The following AGAP6 variants were observed in gnomAD, a reference collection of about 807,000 sequenced individuals.
AGAP6 encodes arf-GAP with GTPase, ANK repeat and PH domain-containing protein 6.
In AGAP6, 29 loss-of-function variants were observed where a neutral mutation model predicts 63.9. That is an observed-to-expected ratio of 0.45 (90% CI 0.34 to 0.62). The LOEUF (loss-of-function observed/expected upper bound fraction) is 0.62. Among genes scored for constraint, AGAP6 ranks in the 20% least tolerant of loss-of-function variants. AGAP6 has a pLI of 0.01. For missense variants in AGAP6, 493 were observed against 884.9 expected, an observed-to-expected ratio of 0.56 and a Z score of 5.62; for synonymous variants, 199 against 332.9, an observed-to-expected ratio of 0.60 and a Z score of 4.38.
At chr10:49,992,443 G>A (rs2132121345) in intron 3 of AGAP6, among the ~76,000 whole-genome samples, 1 of 152,304 alleles carries the variant, frequency 6.6e-6, no homozygotes, top group South Asian at 2.1e-4. Flanking sequence ...GCGAAGTAAT[G>A]CAGCACAGTA....
In AGAP6 at chr10:49,991,747, G is replaced by A; in HGVS notation, c.361+3G>A. On this transcript the variant is annotated splice_donor_region_variant and intron_variant, in intron 3 of 7. Transcript: ENST00000412531. ...CCAGAGGAACTCTCAAACAGATGGT[G>A]AGACGACATTGTCTTTTCCACCAAG... 1 of 1,598,444 alleles carries A rather than the reference G, an allele frequency of 6.3e-7. No homozygotes were observed. The highest frequency in any genetic ancestry group is 1.3e-5 in the African/African-American group (1 of 74,936).
chr10:49,990,665 A>T (rs1377941271), intron 2 of AGAP6, among the ~76,000 whole-genome samples: 1 of 151,948 alleles, frequency 6.6e-6, no homozygotes, highest in Non-Finnish European at 1.5e-5. Flanking sequence ...AAACATATTA[A>T]ATCCAGTTGG....
In AGAP6 at chr10:50,010,324, C is replaced by T. The variant is rs1842066673; in HGVS notation, c.*138C>T. ...GTACTTTTCGTAAACTAAGTAAATA[C>T]ACAAAATGTTGATTTTTCTGACCAT... On this transcript the variant is annotated 3_prime_UTR_variant, in exon 8 of 8. Transcript: ENST00000412531. 2.6e-6 allele frequency: 4 copies of T among 1,550,318 alleles called. No homozygotes were observed. The highest frequency in any genetic ancestry group is 1.8e-5 in the Admixed American group (1 of 54,674).
chr10:49,989,125 C>T (rs1554860251), intron 1 of AGAP6, among the ~76,000 whole-genome samples, 183 bp from the exon 2 acceptor site: 1 of 151,586 alleles, frequency 6.6e-6, no homozygotes, highest in African/African-American at 2.4e-5. Context: ...CCACCGAGTC[C>T]AGTCAGTTTC....
intron 4 of AGAP6, among the ~76,000 whole-genome samples, chr10:49,999,104 G>C (rs1841600387): frequency 7.3e-6 from 1 of 136,574 alleles, no homozygotes; most frequent in South Asian, 2.5e-4. Flanking sequence ...CGGGTGTGGT[G>C]GCGCTCACCT....
At chr10:49,990,340 A>T (rs367991344) in intron 2 of AGAP6, among the ~76,000 whole-genome samples, 1 of 151,986 alleles carries the variant, frequency 6.6e-6, no homozygotes, top group Admixed American at 6.6e-5. Context: ...AGCTACTCAC[A>T]AGGCTGAGGC....
chr10:49,997,548 C>T (rs1554862188), intron 4 of AGAP6, among the ~76,000 whole-genome samples: 2 of 151,922 alleles, frequency 1.3e-5, no homozygotes, highest in African/African-American at 4.8e-5. Flanking sequence ...TAAAATTTGT[C>T]CTGCCCAAAA....
At chr10:49,998,738 T>C (rs1841588083) in intron 4 of AGAP6, among the ~76,000 whole-genome samples, 1 of 142,332 alleles carries the variant, frequency 7.0e-6, no homozygotes. Context: ...TTGTTTTTTC[T>C]AGTTCTGTGA....
chr10:50,006,870 GAAAT>G (rs200223946), intron 6 of AGAP6, among the ~76,000 whole-genome samples: 16,965 of 151,758 alleles, frequency 0.11, 959 homozygotes, highest in Non-Finnish European at 0.16. Context: ...ACGTTCTTAC[GAAAT>G]TCAGGCTATG....
At position 49,998,008 on chromosome 10, in the gene AGAP6, AT is replaced by A. The variant is rs1564710102; in HGVS notation, c.396+3580del. On this transcript the variant is annotated intron_variant, in intron 4 of 7. Transcript: ENST00000412531. ...GAATTCCTCATATATATATATATAT[AT>A]ATATATGTATGTATATCACGGTTTC... Among the ~76,000 whole-genome samples the A allele has an allele frequency of 5.2e-4, 71 of 137,392 alleles. 10 individuals carry two copies. The highest frequency in any genetic ancestry group is 9.1e-4 in the Non-Finnish European group (60 of 65,954). The allele number at this position is 137,392 out of a possible 152,430, so 90.1% of individuals were successfully genotyped here. A position where few individuals can be genotyped will look rare whatever the true frequency, so the allele number is the denominator to read the frequency against.
intron 4 of AGAP6, among the ~76,000 whole-genome samples, chr10:50,001,306 G>T (rs1841684682): frequency 6.6e-6 from 1 of 150,504 alleles, no homozygotes. Context: ...CTCCAGCCTG[G>T]GCGACAGAGC....
intron 5 of AGAP6, among the ~76,000 whole-genome samples, chr10:50,003,978 C>T (rs1841806612): frequency 6.6e-6 from 1 of 152,126 alleles, no homozygotes; most frequent in South Asian, 2.1e-4. Context: ...TTGTGTAGAC[C>T]TATTAGTAGA....
chr10:49,992,397 A>C (rs1554861227), intron 3 of AGAP6, among the ~76,000 whole-genome samples: 1 of 152,204 alleles, frequency 6.6e-6, no homozygotes, highest in African/African-American at 2.4e-5. Context: ...GTTGACTTAA[A>C]CAGCAAGAAT....
Position 50,005,436 on chromosome 10 carries a change from C to T in AGAP6, c.533+716C>T, listed in dbSNP as rs567053429. ...ACCATCCTGGCTAACACGGCAAAAC[C>T]CCGTCTCTACTAAAAATACAAAAAC... On this transcript the variant is annotated intron_variant, in intron 6 of 7. Transcript: ENST00000412531. 5.1e-4 allele frequency among the ~76,000 whole-genome samples: 77 copies of T among 152,154 alleles called. No homozygotes were observed. In the South Asian group the frequency reaches 0.016, roughly 31 times the overall value.
chr10:49,996,035 AT>A (rs1216393306), intron 4 of AGAP6, among the ~76,000 whole-genome samples: 12 of 151,406 alleles, frequency 7.9e-5, no homozygotes, highest in Non-Finnish European at 1.8e-4. Context: ...CTTCTTGAGA[AT>A]TTTTTTTTAT....
chr10:50,008,877 C>T lies in AGAP6; in HGVS notation c.752C>T (p.Ser251Phe). ...TPVCKRSMRW[S>F]NLFTSEKGSD... ...GTTTGCAAGCGGTCCATGCGCTGGT[C>T]CAACCTGTTTACATCTGAGAAAGGG... The change falls in exon 8 of 8, where the codon TCC (serine) becomes TTC (phenylalanine). Residue 251 changes from serine to phenylalanine, a missense_variant. Transcript: ENST00000412531. The T allele has an allele frequency of 6.2e-7, 1 of 1,613,750 alleles. No individual in the cohort carries two copies. Among genetic ancestry groups the T allele is most frequent in the Middle Eastern group, 1.6e-4 (1 of 6,062 alleles).
chr10:49,991,384 G>GTT (rs781847792), intron 2 of AGAP6, among the ~76,000 whole-genome samples: 30,155 of 113,816 alleles, frequency 0.26, 4,680 homozygotes, highest in Non-Finnish European at 0.34. Flanking sequence ...TACCTCTTCT[G>GTT]TTTTTTTTTT....
At chr10:49,991,405 T>TTTA (rs1355060826) in intron 2 of AGAP6, among the ~76,000 whole-genome samples, 33 of 149,760 alleles carry the variant, frequency 2.2e-4, no homozygotes, top group African/African-American at 8.1e-4. Flanking sequence ...TTTTTTTTTT[T>TTTA]AATAAAGGAG....
At chr10:49,990,570 A>G (rs1303858922) in intron 2 of AGAP6, among the ~76,000 whole-genome samples, 4 of 152,272 alleles carry the variant, frequency 2.6e-5, no homozygotes, top group African/African-American at 7.2e-5. Context: ...TTGCAAAGAG[A>G]TGAATCTAAG....
Sources: allele counts gnomAD v4.1 joint callset (sites outside exome capture counted in the v4.1 genomes callset), GRCh38; gene constraint gnomAD v4.1.1; transcripts MANE v1.5; gene names NCBI Gene and HGNC (gene_info 2026-07-23, HGNC 2026-07-21).